CHST9: variants seen among roughly 807,000 people sequenced by gnomAD.
CHST9 encodes the protein GalNAc-4-sulfotransferase 2.
Under a neutral mutation model 44.4 loss-of-function variants are expected in CHST9, and 41 were observed. That is an observed-to-expected ratio of 0.92 (90% confidence interval 0.72 to 1.20). The LOEUF (loss-of-function observed/expected upper bound fraction) is 1.20, where lower values mean the gene tolerates loss of function less well. Ranked by LOEUF, CHST9 falls within the 50% of genes most tolerant of loss-of-function variation. The pLI, the probability that CHST9 is intolerant of heterozygous loss-of-function variation, is 0.00. For missense variants in CHST9, 504 were observed against 516.5 expected, an observed-to-expected ratio of 0.98 and a Z score of 0.23; for synonymous variants, 171 against 178.4, an observed-to-expected ratio of 0.96 and a Z score of 0.33.
chr18:27,117,036 A>G (rs1385747109), intron 2 of CHST9, among the ~76,000 whole-genome samples: 1 of 151,922 alleles, frequency 6.6e-6, no homozygotes, highest in African/African-American at 2.4e-5. Flanking sequence ...CTCCTTTCCA[A>G]TCTACATACT....
At chr18:27,028,898 A>G (rs1277848566) in intron 3 of CHST9, among the ~76,000 whole-genome samples, 1 of 152,230 alleles carries the variant, frequency 6.6e-6, no homozygotes, top group Non-Finnish European at 1.5e-5. Flanking sequence ...TATGCATTTG[A>G]TAAAATTCAT....
intron 4 of CHST9, among the ~76,000 whole-genome samples, chr18:27,017,910 AT>A (rs2057174211): frequency 6.6e-6 from 1 of 152,216 alleles, no homozygotes; most frequent in African/African-American, 2.4e-5. Context: ...CTTGTATTTT[AT>A]AAATTTATCA....
chr18:26,944,380 CA>C lies in CHST9; in HGVS notation c.203-15del. ...TTTCTGTACTCACTGAAAGAGAAAG[CA>C]AAAAGAATTTTTACATTAAAGCATG... On this transcript the variant is annotated splice_polypyrimidine_tract_variant and intron_variant, in intron 4 of 5. Transcript: ENST00000618847. 3 of 1,592,238 alleles carry C rather than the reference CA, an allele frequency of 1.9e-6. No homozygotes were observed. Among genetic ancestry groups the C allele is most frequent in the Admixed American group, 1.7e-5 (1 of 59,716 alleles).
intron 3 of CHST9, among the ~76,000 whole-genome samples, chr18:27,033,220 C>A (rs918032893): frequency 2.6e-5 from 4 of 152,192 alleles, no homozygotes; most frequent in African/African-American, 9.7e-5. Context: ...TAGCCCAGCA[C>A]CCTTGCTATC....
At position 27,134,752 on chromosome 18, in the gene CHST9, T is replaced by C. The variant is rs141816173; in HGVS notation, c.121+7937A>G. On this transcript the variant is annotated intron_variant, in intron 2 of 5. Transcript: ENST00000618847. ...GCTAAGCCTTAGCAATGATAATTCA[T>C]AGCTAAATTATTGACCTTAGATGTT... Among the ~76,000 whole-genome samples the C allele has an allele frequency of 3.5e-3, 537 of 152,306 alleles. 1 individual carries two copies. The highest frequency in any genetic ancestry group is 0.014 in the Middle Eastern group (4 of 294).
intron 2 of CHST9, among the ~76,000 whole-genome samples, chr18:27,067,220 C>A (rs1403201617): frequency 6.6e-6 from 1 of 152,032 alleles, no homozygotes; most frequent in Non-Finnish European, 1.5e-5. Flanking sequence ...TGACACTTCA[C>A]CATAACCGAC....
intron 1 of CHST9, among the ~76,000 whole-genome samples, chr18:27,157,815 TA>T (rs887762051): frequency 4.6e-4 from 69 of 151,080 alleles, no homozygotes; most frequent in East Asian, 1.4e-3. Context: ...ACAAAACATG[TA>T]AAAAAAAACT....
intron 2 of CHST9, among the ~76,000 whole-genome samples, chr18:27,052,677 T>C (rs1387921587): frequency 6.6e-6 from 1 of 152,106 alleles, no homozygotes; most frequent in Non-Finnish European, 1.5e-5. Context: ...TAGTCCCAGT[T>C]TCTCTAATGA....
intron 4 of CHST9, among the ~76,000 whole-genome samples, chr18:26,970,203 C>T (rs1352414276): frequency 6.6e-6 from 1 of 152,170 alleles, no homozygotes; most frequent in Admixed American, 6.5e-5. Flanking sequence ...TTCTAAAATA[C>T]AGATTTCTGA....
chr18:26,955,916 T>C (rs1227239875), intron 4 of CHST9, among the ~76,000 whole-genome samples: 2 of 152,100 alleles, frequency 1.3e-5, no homozygotes, highest in Admixed American at 6.6e-5. Flanking sequence ...AGGAGCCACA[T>C]AGTTCATTTC....
intron 1 of CHST9, among the ~76,000 whole-genome samples, chr18:27,168,299 C>T (rs1202354399): frequency 6.6e-6 from 1 of 152,040 alleles, no homozygotes; most frequent in Non-Finnish European, 1.5e-5. Context: ...TGGTCTCGAT[C>T]CCCTGACCTC....
At chr18:27,147,309 C>T (rs1019489558) in intron 1 of CHST9, among the ~76,000 whole-genome samples, 2 of 152,076 alleles carry the variant, frequency 1.3e-5, no homozygotes, top group Non-Finnish European at 2.9e-5. Context: ...TCAGGTGATC[C>T]GCCTGCCTCG....
At chr18:27,135,738 G>A (rs1251638440) in intron 2 of CHST9, among the ~76,000 whole-genome samples, 1 of 152,196 alleles carries the variant, frequency 6.6e-6, no homozygotes, top group Non-Finnish European at 1.5e-5. Context: ...GTGGACCAAG[G>A]CACGTGTTCC....
chr18:27,123,965 G>A (rs1486979478), intron 2 of CHST9, among the ~76,000 whole-genome samples: 1 of 152,094 alleles, frequency 6.6e-6, no homozygotes, highest in African/African-American at 2.4e-5. Flanking sequence ...GTACAAATGC[G>A]GACAGACGTA....
Position 27,082,130 on chromosome 18 carries a change from C to G in CHST9, c.122-33627G>C, listed in dbSNP as rs537241695. On this transcript the variant is annotated intron_variant, in intron 2 of 5. Coordinates refer to ENST00000618847, the MANE Select transcript of CHST9 (RefSeq NM_031422.6). ...GAAACATATTAAGTACAAATGCATC[C>G]CATAAGACAAGATTTCAAAAGACTC... is the stretch of plus-strand genomic sequence containing the variant. Among the ~76,000 whole-genome samples, 9 of 152,208 alleles carry G rather than the reference C, an allele frequency of 5.9e-5. No homozygotes were observed. The South Asian group carries it at 1.9e-3, about 32-fold the overall frequency.
chr18:26,955,224 G>GT (rs10573820), intron 4 of CHST9, among the ~76,000 whole-genome samples: 1,684 of 138,442 alleles, frequency 0.012, 12 homozygotes, highest in African/African-American at 0.022. Context: ...CCAGAATTCT[G>GT]TTTTTTTTTT....
At chr18:27,150,356 C>G (rs1170975418) in intron 1 of CHST9, among the ~76,000 whole-genome samples, 2 of 152,174 alleles carry the variant, frequency 1.3e-5, no homozygotes, top group Non-Finnish European at 2.9e-5. Context: ...CTAGCACATT[C>G]TAAACATTAC....
chr18:26,990,425 ATGTATTGGGT>A (rs528461364), intron 4 of CHST9, among the ~76,000 whole-genome samples: 168 of 152,322 alleles, frequency 1.1e-3, no homozygotes, highest in African/African-American at 3.8e-3. Flanking sequence ...ATGAATGAAA[ATGTATTGGGT>A]TGTTAGGATT....
chr18:27,023,267 A>T (rs2057246513), intron 4 of CHST9, among the ~76,000 whole-genome samples: 1 of 152,208 alleles, frequency 6.6e-6, no homozygotes, highest in Non-Finnish European at 1.5e-5. Context: ...TCCCAAAATT[A>T]GAATTTATAT....
Sources: gnomAD v4.1 joint callset for allele counts (sites outside exome capture counted in the v4.1 genomes callset) on GRCh38, gnomAD v4.1.1 for gene constraint, MANE v1.5 for transcripts, NCBI Gene and HGNC (gene_info 2026-07-23, HGNC 2026-07-21) for gene names.